GAS2: variants seen among roughly 807,000 people sequenced by gnomAD.
GAS2 encodes growth arrest specific 2, also known as growth arrest-specific protein 2.
Under a neutral mutation model 37.5 loss-of-function variants are expected in GAS2, and 20 were observed. That is an observed-to-expected ratio of 0.53 (90% CI 0.37 to 0.77). The LOEUF (loss-of-function observed/expected upper bound fraction) is 0.77. Among genes scored for constraint, GAS2 ranks in the 30% least tolerant of loss-of-function variants. The pLI is 0.00. For missense variants in GAS2, 336 were observed against 373.4 expected, an observed-to-expected ratio of 0.90 and a Z score of 0.82; for synonymous variants, 144 against 132.2, an observed-to-expected ratio of 1.09 and a Z score of -0.61.
Position 22,685,766 on chromosome 11 carries a change from A to T in GAS2, c.244A>T (p.Met82Leu). The change falls in exon 3 of 8, where the codon ATG becomes TTG. Residue 82 changes from methionine to leucine, a missense_variant. Met to Leu is a conservative substitution (Grantham distance 15). Transcript: ENST00000454584. ...TATGCAGGAGAAATTCAAGGAGAGC[A>T]TGGATGCTAACAAGCCCACAAAGGT... ...ETMQEKFKES[M>L]DANKPTKNLP... 1 of 1,613,720 alleles carries T rather than the reference A, an allele frequency of 6.2e-7. No homozygotes were observed. Among genetic ancestry groups the T allele is most frequent in the South Asian group, 1.1e-5 (1 of 90,996 alleles).
At chr11:22,783,653 CT>C (rs1025114419) in intron 7 of GAS2, among the ~76,000 whole-genome samples, 5 of 151,482 alleles carry the variant, frequency 3.3e-5, no homozygotes, top group African/African-American at 1.2e-4. Context: ...CACTTACTTA[CT>C]TTTTTTGAGT....
chr11:22,803,617 T>G (rs1008273370), intron 7 of GAS2, among the ~76,000 whole-genome samples: 1 of 152,140 alleles, frequency 6.6e-6, no homozygotes, highest in Non-Finnish European at 1.5e-5. Context: ...AGCATCAGTA[T>G]TCCTATCTAT....
chr11:22,699,998 T>C (rs1435540408), intron 3 of GAS2, among the ~76,000 whole-genome samples: 2 of 152,176 alleles, frequency 1.3e-5, no homozygotes, highest in African/African-American at 2.4e-5. Flanking sequence ...AAAAGGATAC[T>C]GGAAGTGTAG....
intron 7 of GAS2, among the ~76,000 whole-genome samples, chr11:22,777,738 A>G (rs1011269357): frequency 1.3e-5 from 2 of 152,194 alleles, no homozygotes; most frequent in Non-Finnish European, 2.9e-5. Context: ...GTTGGGGGCA[A>G]TTGTTGGAGG....
chr11:22,707,307 T>C (rs551544262), intron 3 of GAS2, among the ~76,000 whole-genome samples: 15 of 152,306 alleles, frequency 9.8e-5, no homozygotes, highest in Middle Eastern at 3.4e-3. Flanking sequence ...TTATGAGCCT[T>C]GTTGGCTCCC....
chr11:22,628,755 A>G (rs1030212885), intron 1 of GAS2, among the ~76,000 whole-genome samples: 1 of 152,108 alleles, frequency 6.6e-6, no homozygotes, highest in Non-Finnish European at 1.5e-5. Flanking sequence ...CGTTGTACCC[A>G]ACATGTAGAT....
At chr11:22,811,525 C>T (rs1857163696) in intron 7 of GAS2, among the ~76,000 whole-genome samples, 2 of 152,256 alleles carry the variant, frequency 1.3e-5, no homozygotes, top group South Asian at 4.1e-4. Flanking sequence ...AGAGAAGCCT[C>T]CAGACACATT....
intron 2 of GAS2, among the ~76,000 whole-genome samples, chr11:22,679,972 A>T (rs1438656704): frequency 6.6e-6 from 1 of 152,176 alleles, no homozygotes; most frequent in African/African-American, 2.4e-5. Context: ...TTTTCCACTT[A>T]ATATGAGCAA....
At position 22,793,274 on chromosome 11, in the gene GAS2, C is replaced by CA. The variant is rs200216204; in HGVS notation, c.724-18516dup. Among the ~76,000 whole-genome samples the CA allele has an allele frequency of 5.4e-3, 814 of 150,170 alleles. 13 individuals are homozygous for CA. The highest frequency in any genetic ancestry group is 0.039 in the East Asian group (198 of 5,134). ...GGATGACAAGAGTGAAACTCCATCT[C>CA]AAAAAAAATAAATAAATTAAAAATT... is the stretch of plus-strand genomic sequence containing the variant. On this transcript the variant is annotated intron_variant, in intron 7 of 7. Transcript: ENST00000454584.
rs1446163717 is a variant in GAS2, at chr11:22,779,969, T to A, written c.723+24016T>A. 3.3e-5 allele frequency among the ~76,000 whole-genome samples: 5 copies of A among 152,230 alleles called. No homozygotes were observed. In the East Asian group the frequency reaches 9.6e-4, roughly 29 times the overall value. Reference sequence around the variant, plus strand: ...ATTCATGATGTCATAATCTTTGCTGTGTTTTCTTCCATTCTTTACGCTTTT... The same window carrying A: ...ATTCATGATGTCATAATCTTTGCTGAGTTTTCTTCCATTCTTTACGCTTTT... On this transcript the variant is annotated intron_variant, in intron 7 of 7. Coordinates refer to ENST00000454584, the MANE Select transcript of GAS2 (RefSeq NM_001143830.3).
chr11:22,718,392 T>G (rs1162133296), intron 3 of GAS2, among the ~76,000 whole-genome samples: 2 of 152,028 alleles, frequency 1.3e-5, no homozygotes, highest in African/African-American at 2.4e-5. Context: ...AGACCATTAT[T>G]CTAAGTGAAG....
At chr11:22,728,432 A>G (rs1264078368) in intron 4 of GAS2, among the ~76,000 whole-genome samples, 4 of 151,952 alleles carry the variant, frequency 2.6e-5, no homozygotes, top group Non-Finnish European at 5.9e-5. Context: ...TGCATACTCT[A>G]TAACAAATAA....
upstream of GAS2, among the ~76,000 whole-genome samples, chr11:22,664,500 C>T (rs1219442553): frequency 6.6e-6 from 1 of 152,128 alleles, no homozygotes; most frequent in Non-Finnish European, 1.5e-5. Flanking sequence ...AAAATAAAAA[C>T]TAAACTGTTT....
At chr11:22,781,205 A>G (rs1300275280) in intron 7 of GAS2, among the ~76,000 whole-genome samples, 1 of 152,208 alleles carries the variant, frequency 6.6e-6, no homozygotes, top group Non-Finnish European at 1.5e-5. Flanking sequence ...CCTGTGGTCC[A>G]CACTCTATGG....
At chr11:22,763,782 A>G (rs1181964283) in intron 7 of GAS2, among the ~76,000 whole-genome samples, 1 of 152,178 alleles carries the variant, frequency 6.6e-6, no homozygotes, top group African/African-American at 2.4e-5. Context: ...AAAATCTCAG[A>G]CATTTATAGT....
chr11:22,720,547 T>G (rs1280618963), intron 3 of GAS2, among the ~76,000 whole-genome samples: 7 of 152,054 alleles, frequency 4.6e-5, no homozygotes, highest in Admixed American at 4.6e-4. Flanking sequence ...ATTTTTTCTA[T>G]TAAATATACA....
At chr11:22,766,583 C>G (rs1345108748) in intron 7 of GAS2, among the ~76,000 whole-genome samples, 1 of 152,120 alleles carries the variant, frequency 6.6e-6, no homozygotes, top group African/African-American at 2.4e-5. Flanking sequence ...AGGAATTTAA[C>G]AGCCAATTCC....
chr11:22,766,783 T>G (rs2134403377), intron 7 of GAS2, among the ~76,000 whole-genome samples: 1 of 152,332 alleles, frequency 6.6e-6, no homozygotes, highest in Non-Finnish European at 1.5e-5. Context: ...CTAAGGAACA[T>G]TTACAATTTA....
intron 1 of GAS2, among the ~76,000 whole-genome samples, chr11:22,645,182 G>T (rs1848674997): frequency 6.6e-6 from 1 of 152,184 alleles, no homozygotes; most frequent in South Asian, 2.1e-4. Context: ...GTAGAAGACG[G>T]AAAGCAGTGA....
Sources: allele counts gnomAD v4.1 joint callset (sites outside exome capture counted in the v4.1 genomes callset), GRCh38; gene constraint gnomAD v4.1.1; transcripts MANE v1.5; gene names NCBI Gene and HGNC (gene_info 2026-07-23, HGNC 2026-07-21).